GLT6D1: variants seen among roughly 807,000 people sequenced by gnomAD.
GLT6D1 encodes glycosyltransferase 6 domain containing 1.
GLT6D1 carries 9 observed loss-of-function variants against 12.3 expected under a neutral mutation model. The ratio of observed to expected loss-of-function variants is 0.73; its 90% CI spans 0.44 to 1.27. The LOEUF (loss-of-function observed/expected upper bound fraction) is 1.27. Ranked by LOEUF, GLT6D1 falls within the 50% of genes most tolerant of loss-of-function variation. GLT6D1 has a pLI of 0.00. For synonymous variants in GLT6D1, 128 were observed against 132.3 expected (o/e 0.97, Z 0.23); for missense variants, 335 against 346.2 (o/e 0.97, Z 0.26).
chr9:135,629,458 A>G (rs1287753740), intron 3 of GLT6D1, among the ~76,000 whole-genome samples: 1 of 152,092 alleles, frequency 6.6e-6, no homozygotes, highest in Non-Finnish European at 1.5e-5. Context: ...TAGAATTTAG[A>G]AAAAAATGAT....
intron 3 of GLT6D1, among the ~76,000 whole-genome samples, chr9:135,628,959 A>C (rs1453732930): frequency 6.6e-6 from 1 of 152,108 alleles, no homozygotes; most frequent in Non-Finnish European, 1.5e-5. Flanking sequence ...TAGCTAGGAC[A>C]ATCAAGTTAC....
rs761485010 is a variant in GLT6D1, at chr9:135,639,210, A to G, written c.-6-17T>C. The G allele has an allele frequency of 4.4e-6, 6 of 1,353,942 alleles. No individual in the cohort carries two copies. Among genetic ancestry groups the G allele is most frequent in the Non-Finnish European group, 6.3e-6 (6 of 955,222 alleles). 83.9% of individuals were successfully genotyped at this position (1,353,942 alleles called of 1,614,324 possible). ...CATTCTCTCCTAGGGAAAGAAGGAG[A>G]AAAAATTAGATTTTAAGCAATAAAA... On this transcript the variant is annotated splice_polypyrimidine_tract_variant and intron_variant, in intron 1 of 4. Transcript: ENST00000371763.
At chr9:135,626,649 A>G (rs575393249) in intron 3 of GLT6D1, among the ~76,000 whole-genome samples, 10 of 152,124 alleles carry the variant, frequency 6.6e-5, no homozygotes, top group African/African-American at 2.4e-4. Context: ...CAATGCCTTT[A>G]TTTTTCCCTC....
intron 2 of GLT6D1, among the ~76,000 whole-genome samples, chr9:135,638,142 C>T (rs973868000): frequency 8.5e-5 from 13 of 152,084 alleles, no homozygotes; most frequent in Admixed American, 3.9e-4. Flanking sequence ...TCCATGGCAG[C>T]GGCAAGAGAA....
At chr9:135,630,435 A>C (rs1014759315) in intron 3 of GLT6D1, among the ~76,000 whole-genome samples, 15 of 151,896 alleles carry the variant, frequency 9.9e-5, no homozygotes, top group Admixed American at 7.9e-4. Flanking sequence ...GACTACACAA[A>C]AGATGAAATA....
rs781365281 is a variant in GLT6D1 at position 135,624,656 on chromosome 9, T to C, written c.272A>G (p.Tyr91Cys). 3 of 1,568,588 alleles carry C rather than the reference T, an allele frequency of 1.9e-6. No homozygotes were observed. Residue 91 changes from tyrosine to cysteine, a missense_variant, in exon 5 of 5, where the codon TAC (tyrosine) becomes TGC (cysteine). Coordinates refer to ENST00000371763, the MANE Select transcript of GLT6D1 (RefSeq NM_182974.3). ...TGCGGAGTGTAGGAACGGCCTCAGG[T>C]ACTCCTCTGCAAACCTAGGAAACAC... The part of the protein sequence containing the change: ...VFATGRFAEE[Y>C]LRPFLHSANK...
chr9:135,640,884 A>T (rs1193415713), upstream of GLT6D1, among the ~76,000 whole-genome samples: 2 of 152,112 alleles, frequency 1.3e-5, no homozygotes, highest in Non-Finnish European at 2.9e-5. Flanking sequence ...AGATCACTAG[A>T]AATGCCATGT....
At chr9:135,634,442 C>CTTTTTTTTTTTTTTTTTTTTTTTTTCTT (rs370291630) in intron 2 of GLT6D1, among the ~76,000 whole-genome samples, 1 of 54,862 alleles carries the variant, frequency 1.8e-5, no homozygotes, top group Non-Finnish European at 3.1e-5. Context: ...TTTTCCTTTC[C>CTTTTTTTTTTTTTTTTTTTTTTTTTCTT]TTTTTTTTTT....
At chr9:135,634,431 T>C (rs1425732293) in intron 2 of GLT6D1, among the ~76,000 whole-genome samples, 4 of 142,054 alleles carry the variant, frequency 2.8e-5, no homozygotes, top group African/African-American at 1.1e-4. Context: ...CCTGGCCTTG[T>C]TTTTCCTTTC....
At chr9:135,632,971 C>T (rs1010494364) in intron 2 of GLT6D1, among the ~76,000 whole-genome samples, 4 of 151,956 alleles carry the variant, frequency 2.6e-5, no homozygotes, top group Non-Finnish European at 5.9e-5. Context: ...CACGGCCTGT[C>T]CTGTCCTTTC....
intron 2 of GLT6D1, among the ~76,000 whole-genome samples, chr9:135,635,361 T>C (rs928272594): frequency 6.6e-6 from 1 of 152,222 alleles, no homozygotes; most frequent in African/African-American, 2.4e-5. Flanking sequence ...TGAGATGCTC[T>C]GGGCTCATCT....
At chr9:135,632,324 G>C (rs1446677167) in intron 2 of GLT6D1, among the ~76,000 whole-genome samples, 1 of 151,876 alleles carries the variant, frequency 6.6e-6, no homozygotes, top group Non-Finnish European at 1.5e-5. Flanking sequence ...GTAGAGACAG[G>C]GTCTCCCTGC....
At chr9:135,626,353 C>T in intron 3 of GLT6D1, 147 bp from the exon 4 acceptor site, 1 of 797,882 alleles carries the variant, frequency 1.3e-6, no homozygotes, top group Non-Finnish European at 2.0e-6. Flanking sequence ...TTCATCCTTG[C>T]AACGCCCTAT....
chr9:135,640,437 C>T (rs1833869740), upstream of GLT6D1, among the ~76,000 whole-genome samples: 1 of 152,116 alleles, frequency 6.6e-6, no homozygotes, highest in African/African-American at 2.4e-5. Context: ...ATGTGGCTCA[C>T]AGGCTGGGCG....
At chr9:135,635,183 G>A (rs947325170) in intron 2 of GLT6D1, among the ~76,000 whole-genome samples, 11 of 152,010 alleles carry the variant, frequency 7.2e-5, no homozygotes, top group Middle Eastern at 3.4e-3. Flanking sequence ...GTGGAAGTTC[G>A]TTTCATACTT....
intron 2 of GLT6D1, among the ~76,000 whole-genome samples, chr9:135,636,439 T>C (rs888880724): frequency 6.6e-6 from 1 of 152,220 alleles, no homozygotes; most frequent in Non-Finnish European, 1.5e-5. Flanking sequence ...CCAGTGGGAT[T>C]GTTCTGTACA....
At chr9:135,630,266 C>T (rs563084893) in intron 3 of GLT6D1, among the ~76,000 whole-genome samples, 69 of 151,582 alleles carry the variant, frequency 4.6e-4, no homozygotes, top group Admixed American at 2.0e-3. Flanking sequence ...ATTAGCCAGG[C>T]GTGGTGGCAG....
At chr9:135,640,592 C>T (rs1015265945), upstream of GLT6D1, among the ~76,000 whole-genome samples, 5 of 151,902 alleles carry the variant, frequency 3.3e-5, no homozygotes, top group African/African-American at 4.8e-5. Context: ...TGGTGGCTCA[C>T]GCCTGTAATC....
chr9:135,628,581 C>A (rs1451882036), intron 3 of GLT6D1, among the ~76,000 whole-genome samples: 1 of 151,956 alleles, frequency 6.6e-6, no homozygotes, highest in African/African-American at 2.4e-5. Context: ...GTTTTGATAT[C>A]AGGGTAATAC....
Sources: allele counts gnomAD v4.1 joint callset (sites outside exome capture counted in the v4.1 genomes callset), GRCh38; gene constraint gnomAD v4.1.1; transcripts MANE v1.5; gene names NCBI Gene and HGNC (gene_info 2026-07-23, HGNC 2026-07-21).